Variants in GLI2 observed in about 807,000 individuals in gnomAD.
GLI2 encodes transcription activator GLI2.
GLI2 carries 22 observed loss-of-function variants against 78.9 expected under a neutral mutation model. That is an observed-to-expected ratio of 0.28 (90% confidence interval 0.20 to 0.40). The LOEUF (loss-of-function observed/expected upper bound fraction) is 0.40, where lower values mean the gene tolerates loss of function less well. Among genes scored for constraint, GLI2 ranks in the 10% least tolerant of loss-of-function variants. The pLI is 1.00. For synonymous variants in GLI2, 974 were observed against 963.7 expected (o/e 1.01, Z -0.20); for missense variants, 2,097 against 2,213.2 (o/e 0.95, Z 1.05).
At chr2:120,848,209 G>A (rs533434720) in intron 2 of GLI2, among the ~76,000 whole-genome samples, 2 of 152,318 alleles carry the variant, frequency 1.3e-5, no homozygotes, top group East Asian at 1.9e-4. Context: ...GCCTGACTCC[G>A]CCGCCTGGTT....
At chr2:120,884,231 G>A (rs1198389177) in intron 2 of GLI2, among the ~76,000 whole-genome samples, 4 of 152,212 alleles carry the variant, frequency 2.6e-5, no homozygotes, top group African/African-American at 4.8e-5. Flanking sequence ...TGCAGGGAGA[G>A]TGAGGTCGTC....
intron 2 of GLI2, among the ~76,000 whole-genome samples, chr2:120,876,936 G>A (rs866455391): frequency 4.6e-5 from 7 of 152,216 alleles, no homozygotes; most frequent in African/African-American, 7.2e-5. Context: ...TACTTAAGAC[G>A]TGCCCCCAAC....
Position 120,988,808 on chromosome 2 carries a change from G to A in GLI2, c.2843G>A (p.Gly948Glu). ...TTCCCCCACGAGGCTCCAGGCGGCGGAGCCAGGCGGGCCAGCGACCCTGTG... is the reference window on the plus strand; with the variant it reads ...TTCCCCCACGAGGCTCCAGGCGGCGAAGCCAGGCGGGCCAGCGACCCTGTG... ...PAFPHEAPGGGARRASDPVRR... is the reference protein window; with the variant it reads ...PAFPHEAPGGEARRASDPVRR... The change falls in exon 14 of 14, where the codon GGA (glycine) becomes GAA (glutamate). Residue 948 changes from glycine (G) to glutamate (E), a missense_variant. By Grantham distance (98) the Gly-to-Glu change is moderately conservative. This residue lies in a region of GLI2 where 1,290 missense variants were observed against 1,261.7 expected (regional missense o/e 1.02). Transcript: ENST00000361492. 1 of 1,413,954 alleles carries A rather than the reference G, an allele frequency of 7.1e-7. No homozygotes were observed. The highest frequency in any genetic ancestry group is 9.2e-7 in the Non-Finnish European group (1 of 1,083,908). The allele number at this position is 1,413,954 out of a possible 1,614,324, so 87.6% of individuals were successfully genotyped here. A position where few individuals can be genotyped will look rare whatever the true frequency, so the allele number is the denominator to read the frequency against.
chr2:120,968,019 C>T (rs527258025), intron 5 of GLI2, among the ~76,000 whole-genome samples: 2 of 152,312 alleles, frequency 1.3e-5, no homozygotes, highest in East Asian at 1.9e-4. Context: ...CCAGGTACAA[C>T]GTGACCTGTG....
Position 120,927,412 on chromosome 2 carries a change from G to A in GLI2, c.200G>A (p.Arg67Gln), listed in dbSNP as rs776012263. ...CATGCGCCCCTACCGATTGACATGC[G>A]ACACCAGGAAGGAAGGTACCATTAC... ...PFHAPLPIDM[R>Q]HQEGRYHYEP... The change falls in exon 3 of 14, where the codon CGA (arginine) becomes CAA (glutamine). Residue 67 changes from arginine (R) to glutamine (Q), a missense_variant. Physicochemically the swap from Arg to Gln is conservative, Grantham distance 43. Around this residue, in one of 5 missense-constraint regions of GLI2, gnomAD observed 578 missense variants for 612.0 expected, o/e 0.94. Coordinates refer to ENST00000361492, the MANE Select transcript of GLI2 (RefSeq NM_001374353.1). 11 of 1,613,872 alleles carry A rather than the reference G, an allele frequency of 6.8e-6. No homozygotes were observed. Among genetic ancestry groups the A allele is most frequent in the East Asian group, 2.2e-5 (1 of 44,874 alleles).
intron 5 of GLI2, among the ~76,000 whole-genome samples, chr2:120,958,305 CT>C (rs1681375265): frequency 6.6e-6 from 1 of 152,204 alleles, no homozygotes; most frequent in African/African-American, 2.4e-5. Flanking sequence ...ACCAGTATAT[CT>C]TTCCCTCTTT....
chr2:120,840,602 G>A lies in GLI2; in HGVS notation c.148+43134G>A, dbSNP rs116119794. 7.4e-3 allele frequency among the ~76,000 whole-genome samples: 1,125 copies of A among 152,268 alleles called. 12 individuals are homozygous for A. The highest frequency in any genetic ancestry group is 0.025 in the African/African-American group (1,043 of 41,536). On this transcript the variant is annotated intron_variant, in intron 2 of 13. Coordinates refer to ENST00000361492, the MANE Select transcript of GLI2 (RefSeq NM_001374353.1). ...TAGCTTAGGGGTCCTGGACCACATG[G>A]GGACTATAAATTTGAACCATCACTC...
chr2:120,824,492 C>T (rs770537847), intron 2 of GLI2, among the ~76,000 whole-genome samples: 1 of 152,200 alleles, frequency 6.6e-6, no homozygotes, highest in Admixed American at 6.5e-5. Context: ...CGTTCACGAG[C>T]GCTGGGGCTC....
Position 120,737,917 on chromosome 2 carries a change from C to T in GLI2, c.-31+1632C>T, listed in dbSNP as rs567058707. Among the ~76,000 whole-genome samples, 9 of 152,348 alleles carry T rather than the reference C, an allele frequency of 5.9e-5. No homozygotes were observed. The South Asian group carries it at 1.2e-3, about 21-fold the overall frequency. Reference sequence around the variant, plus strand: ...AGGAATAGGCGGGTTTGTCACAGGCCTCCCTGATGAGACCAGTTTGTTCCA... The same window carrying T: ...AGGAATAGGCGGGTTTGTCACAGGCTTCCCTGATGAGACCAGTTTGTTCCA... On this transcript the variant is annotated intron_variant, in intron 1 of 13. Coordinates refer to ENST00000361492, the MANE Select transcript of GLI2 (RefSeq NM_001374353.1). The surrounding 1 kb of genome is among the most constrained non-coding windows in gnomAD (Gnocchi z 4.3).
chr2:120,806,390 C>T (rs1029608164), intron 2 of GLI2, among the ~76,000 whole-genome samples: 6 of 152,170 alleles, frequency 3.9e-5, no homozygotes, highest in Admixed American at 2.6e-4. Flanking sequence ...CTAGGAGCTT[C>T]CAGTTAGAGG....
At chr2:120,873,945 T>C (rs1175849927) in intron 2 of GLI2, among the ~76,000 whole-genome samples, 1 of 152,188 alleles carries the variant, frequency 6.6e-6, no homozygotes, top group African/African-American at 2.4e-5. Context: ...ACACCCATGT[T>C]GTGGCCAGAT....
intron 5 of GLI2, among the ~76,000 whole-genome samples, chr2:120,967,069 T>C (rs747498197): frequency 1.3e-5 from 2 of 152,080 alleles, no homozygotes; most frequent in African/African-American, 2.4e-5. Flanking sequence ...GGAACGCAGT[T>C]ATCATAAGCC....
At chr2:120,736,882 C>G (rs1021701093) in intron 1 of GLI2, among the ~76,000 whole-genome samples, 2 of 150,272 alleles carry the variant, frequency 1.3e-5, no homozygotes, top group South Asian at 4.3e-4. Flanking sequence ...TCGGCCCCCC[C>G]TCTTTGCCTC....
chr2:120,975,447 T>C (rs1331404673), intron 9 of GLI2, among the ~76,000 whole-genome samples: 4 of 150,750 alleles, frequency 2.7e-5, no homozygotes, highest in African/African-American at 4.9e-5. Flanking sequence ...ATTTTTTTTT[T>C]CTGAGATTCC....
At chr2:120,922,906 G>A (rs1679452514) in intron 2 of GLI2, among the ~76,000 whole-genome samples, 1 of 152,106 alleles carries the variant, frequency 6.6e-6, no homozygotes, top group Admixed American at 6.5e-5. Context: ...TGCTTCTCCT[G>A]TGACCTCCAC....
intron 8 of GLI2, chr2:120,972,744 G>T (rs748386698): frequency 9.8e-6 from 5 of 509,174 alleles, no homozygotes; most frequent in South Asian, 4.3e-5. Context: ...GCGTGGTGAG[G>T]GGGGAAGACA....
chr2:120,800,130 A>T lies in GLI2; in HGVS notation c.148+2662A>T, dbSNP rs1325873264. Among the ~76,000 whole-genome samples the T allele has an allele frequency of 6.6e-6, 1 of 152,146 alleles. No homozygotes were observed. Among genetic ancestry groups the T allele is most frequent in the African/African-American group, 2.4e-5 (1 of 41,420 alleles). Reference sequence around the variant, plus strand: ...CCATCAGGCACAGGGCTGGGTGTGGACAGTGGGTGAGGAGGGGCCGTGAGG... The same window carrying T: ...CCATCAGGCACAGGGCTGGGTGTGGTCAGTGGGTGAGGAGGGGCCGTGAGG... On this transcript the variant is annotated intron_variant, in intron 2 of 13. Transcript: ENST00000361492. The surrounding 1 kb of genome is among the most constrained non-coding windows in gnomAD (Gnocchi z 4.1).
chr2:120,942,911 C>G (rs1573643409), intron 3 of GLI2, among the ~76,000 whole-genome samples: 1 of 136,906 alleles, frequency 7.3e-6, no homozygotes, highest in South Asian at 2.2e-4. Context: ...CACACCCTCA[C>G]TCACTCATTC....
At chr2:120,811,845 C>T (rs1044002747) in intron 2 of GLI2, among the ~76,000 whole-genome samples, 12 of 152,112 alleles carry the variant, frequency 7.9e-5, no homozygotes, top group Admixed American at 4.6e-4. Flanking sequence ...TCCCTCCCTC[C>T]CTCCTTCCCT....
Sources: gnomAD v4.1 joint callset for allele counts (sites outside exome capture counted in the v4.1 genomes callset) on GRCh38, gnomAD v4.1.1 for gene constraint, gnomAD v4.1.1 regional missense constraint, Gnocchi (gnomAD v3.1) non-coding constraint, MANE v1.5 for transcripts, NCBI Gene and HGNC (gene_info 2026-07-23, HGNC 2026-07-21) for gene names.